Variants in OPCML observed in about 807,000 individuals in gnomAD.
OPCML encodes opioid-binding protein/cell adhesion molecule.
In OPCML, 13 loss-of-function variants were observed where a neutral mutation model predicts 37.8. The observed-to-expected ratio is 0.34, with a 90% CI of 0.22 to 0.55. The LOEUF (loss-of-function observed/expected upper bound fraction) is 0.55. Ranked by LOEUF, OPCML falls within the 20% of genes least tolerant of loss-of-function variation. The pLI is 0.91. For missense variants in OPCML, 341 were observed against 435.6 expected (o/e 0.78, Z 1.93); for synonymous variants, 176 against 168.8 (o/e 1.04, Z -0.33).
At chr11:132,560,493 T>C (rs1203765342) in intron 3 of OPCML, among the ~76,000 whole-genome samples, 1 of 152,218 alleles carries the variant, frequency 6.6e-6, no homozygotes, top group Non-Finnish European at 1.5e-5. Flanking sequence ...TGTAGTCTTT[T>C]ATTCCTCACC....
chr11:132,486,300 G>A (rs2096199688), intron 4 of OPCML, among the ~76,000 whole-genome samples: 1 of 152,154 alleles, frequency 6.6e-6, no homozygotes, highest in South Asian at 2.1e-4. Flanking sequence ...CTTAGGGTTA[G>A]TCATTTGTGA....
intron 1 of OPCML, among the ~76,000 whole-genome samples, chr11:133,462,710 A>C (rs1946884749): frequency 6.6e-6 from 1 of 152,124 alleles, no homozygotes; most frequent in African/African-American, 2.4e-5. Context: ...AGAAAAATTG[A>C]AATCCTCGTA....
At chr11:132,829,683 CT>C in intron 2 of OPCML, among the ~76,000 whole-genome samples, 1 of 152,292 alleles carries the variant, frequency 6.6e-6, no homozygotes, top group Admixed American at 6.5e-5. Context: ...TTTCTGCCTG[CT>C]TTTACTGAGC....
At chr11:132,783,029 G>A (rs1947089981) in intron 2 of OPCML, among the ~76,000 whole-genome samples, 3 of 148,956 alleles carry the variant, frequency 2.0e-5, no homozygotes, top group Admixed American at 6.7e-5. Flanking sequence ...TCTGATTTTT[G>A]CTTTTAGATC....
At chr11:133,007,842 G>A (rs188676352) in intron 1 of OPCML, 246 of 985,380 alleles carry the variant, frequency 2.5e-4, no homozygotes, top group South Asian at 6.1e-4. Flanking sequence ...GTTGATACAC[G>A]GATGGCAATT....
intron 1 of OPCML, among the ~76,000 whole-genome samples, chr11:133,384,419 G>A (rs1945000882): frequency 6.6e-6 from 1 of 152,080 alleles, no homozygotes; most frequent in Admixed American, 6.5e-5. Flanking sequence ...TGTGGCCTAA[G>A]GTTGATAGTA....
At chr11:132,483,256 A>G (rs1456165361) in intron 4 of OPCML, among the ~76,000 whole-genome samples, 1,843 of 150,118 alleles carry the variant, frequency 0.012, 44 homozygotes, top group African/African-American at 0.043. Context: ...AAAAATCACA[A>G]GCATTCCTAT....
At chr11:132,698,109 T>A (rs1405106152) in intron 2 of OPCML, among the ~76,000 whole-genome samples, 2 of 151,864 alleles carry the variant, frequency 1.3e-5, no homozygotes, top group African/African-American at 4.8e-5. Context: ...GGATTACAGA[T>A]GTGGGCTACC....
intron 2 of OPCML, among the ~76,000 whole-genome samples, chr11:132,723,761 T>C (rs1944766317): frequency 6.6e-6 from 1 of 152,200 alleles, no homozygotes; most frequent in Non-Finnish European, 1.5e-5. Context: ...ATCACATACA[T>C]TAATCTATGG....
At chr11:132,702,509 T>C (rs1264380300) in intron 2 of OPCML, among the ~76,000 whole-genome samples, 1 of 152,216 alleles carries the variant, frequency 6.6e-6, no homozygotes, top group East Asian at 1.9e-4. Flanking sequence ...CTTTGACTTT[T>C]GAGAATTTGA....
chr11:133,421,260 G>A (rs1248006237), intron 1 of OPCML: 2 of 985,288 alleles, frequency 2.0e-6, no homozygotes, highest in Non-Finnish European at 2.4e-6. Flanking sequence ...AGCCCACATT[G>A]CCAAACGTGA....
intron 2 of OPCML, among the ~76,000 whole-genome samples, chr11:132,864,172 G>A (rs1238289840): frequency 2.0e-5 from 3 of 151,914 alleles, no homozygotes; most frequent in Admixed American, 6.6e-5. Flanking sequence ...TCCTGACCTC[G>A]GGTGATCCAC....
intron 1 of OPCML, among the ~76,000 whole-genome samples, chr11:133,128,038 CTTGAG>C (rs1353795180): frequency 2.6e-5 from 4 of 152,102 alleles, no homozygotes; most frequent in African/African-American, 9.7e-5. Context: ...ACTGTTTTCC[CTTGAG>C]TTTTTTCAGG....
intron 1 of OPCML, among the ~76,000 whole-genome samples, chr11:133,012,826 C>T (rs975553154): frequency 3.5e-5 from 5 of 144,216 alleles, no homozygotes; most frequent in Non-Finnish European, 5.9e-5. Context: ...GGCGAGATCG[C>T]ACCATTGCAC....
chr11:133,277,960 T>C (rs1017979201), intron 1 of OPCML, among the ~76,000 whole-genome samples: 1 of 152,170 alleles, frequency 6.6e-6, no homozygotes, highest in African/African-American at 2.4e-5. Context: ...GATTGAAGCA[T>C]ATATCCTTGC....
At chr11:133,528,543 C>T (rs1352213618) in intron 1 of OPCML, among the ~76,000 whole-genome samples, 1 of 152,200 alleles carries the variant, frequency 6.6e-6, no homozygotes, top group Non-Finnish European at 1.5e-5. Context: ...GGCTGTAGAG[C>T]CTGCCCCCAG....
chr11:133,070,943 AT>A (rs1223344077), intron 1 of OPCML, among the ~76,000 whole-genome samples: 2 of 152,166 alleles, frequency 1.3e-5, no homozygotes, highest in Non-Finnish European at 1.5e-5. Context: ...CACAGGACAC[AT>A]CCTTCTCCAG....
intron 1 of OPCML, among the ~76,000 whole-genome samples, chr11:133,463,436 A>T (rs1457319585): frequency 6.6e-6 from 1 of 152,178 alleles, no homozygotes; most frequent in African/African-American, 2.4e-5. Flanking sequence ...AAAAATGGTT[A>T]TTTTAAAAAG....
chr11:133,162,505 C>T (rs1488177298), intron 1 of OPCML, among the ~76,000 whole-genome samples: 1 of 152,182 alleles, frequency 6.6e-6, no homozygotes, highest in Non-Finnish European at 1.5e-5. Context: ...GCCAGGTTCC[C>T]GTCATGTCAG....
Sources: gnomAD v4.1 joint callset for allele counts (sites outside exome capture counted in the v4.1 genomes callset) on GRCh38, gnomAD v4.1.1 for gene constraint, MANE v1.5 for transcripts, NCBI Gene and HGNC (gene_info 2026-07-23, HGNC 2026-07-21) for gene names.